The following STK33 variants were observed in gnomAD, a reference collection of about 807,000 sequenced individuals.
STK33 encodes the protein serine/threonine-protein kinase 33.
A neutral mutation model predicts 58.0 loss-of-function variants in STK33; 52 were observed. That is an observed-to-expected ratio of 0.90 (90% CI 0.72 to 1.13). STK33 has a LOEUF of 1.13. STK33 is among the 50% of genes most tolerant of loss of function. The pLI is 0.00. For missense variants in STK33, 630 were observed against 604.2 expected, an observed-to-expected ratio of 1.04 and a Z score of -0.45; for synonymous variants, 215 against 200.1, an observed-to-expected ratio of 1.07 and a Z score of -0.63.
chr11:8,586,104 C>CTCCTGTG (rs2031550974), intron 1 of STK33, among the ~76,000 whole-genome samples: 3 of 151,690 alleles, frequency 2.0e-5, no homozygotes, highest in African/African-American at 7.3e-5. Context: ...GTGCTCCCAG[C>CTCCTGTG]TACTCAGGAG....
chr11:8,396,217 C>T (rs1398418961), intron 15 of STK33, among the ~76,000 whole-genome samples: 1 of 152,196 alleles, frequency 6.6e-6, no homozygotes, highest in Non-Finnish European at 1.5e-5. Context: ...GATTCTCCTA[C>T]CTCAGCCTCC....
At chr11:8,399,167 C>T (rs1590741934) in intron 15 of STK33, among the ~76,000 whole-genome samples, 3 of 152,184 alleles carry the variant, frequency 2.0e-5, no homozygotes, top group East Asian at 3.8e-4. Flanking sequence ...ACTATACATT[C>T]TTTTCAGCAC....
At chr11:8,377,182 T>C in the STK33 span, among the ~76,000 whole-genome samples, 1 of 152,200 alleles carries the variant, frequency 6.6e-6, no homozygotes, top group African/African-American at 2.4e-5. Flanking sequence ...GATGTTCTCA[T>C]TAATCGAGAG....
the STK33 span, among the ~76,000 whole-genome samples, chr11:8,343,285 G>T: frequency 6.6e-6 from 1 of 152,236 alleles, no homozygotes; most frequent in African/African-American, 2.4e-5. Flanking sequence ...CATACACCTT[G>T]AAACCTGTCA....
chr11:8,337,247 CTT>C, the STK33 span, among the ~76,000 whole-genome samples: 2 of 152,228 alleles, frequency 1.3e-5, no homozygotes, highest in African/African-American at 4.8e-5. Context: ...GGGGAAAAGT[CTT>C]ATTAAGTCGC....
chr11:8,460,263 T>C (rs1947351927), intron 8 of STK33, among the ~76,000 whole-genome samples: 1 of 151,806 alleles, frequency 6.6e-6, no homozygotes, highest in African/African-American at 2.4e-5. Context: ...AACAATAAAT[T>C]GAAACTGATC....
At chr11:8,505,528 T>G (rs974965391) in intron 1 of STK33, among the ~76,000 whole-genome samples, 1 of 152,162 alleles carries the variant, frequency 6.6e-6, no homozygotes, top group African/African-American at 2.4e-5. Context: ...TTTGTCACTC[T>G]TAAACACCAC....
intron 1 of STK33, among the ~76,000 whole-genome samples, chr11:8,590,108 T>G (rs935585127): frequency 1.3e-5 from 2 of 152,194 alleles, no homozygotes; most frequent in African/African-American, 2.4e-5. Flanking sequence ...CATTCCACCA[T>G]GATAATGACA....
At chr11:8,356,159 T>C in the STK33 span, among the ~76,000 whole-genome samples, 1 of 152,078 alleles carries the variant, frequency 6.6e-6, no homozygotes, top group Non-Finnish European at 1.5e-5. Context: ...TTGCTGAAAA[T>C]TGAGTGGGAC....
intron 15 of STK33, among the ~76,000 whole-genome samples, chr11:8,408,543 G>T (rs1215742496): frequency 6.6e-6 from 1 of 152,128 alleles, no homozygotes; most frequent in Non-Finnish European, 1.5e-5. Context: ...CCAGCAACTC[G>T]CATTGCAAGC....
the STK33 span, among the ~76,000 whole-genome samples, chr11:8,337,652 GGGGC>G: frequency 6.9e-6 from 1 of 144,732 alleles, no homozygotes; most frequent in African/African-American, 2.5e-5. Flanking sequence ...GGGCGGGGGG[GGGGC>G]CCTGCCCTCA....
intron 11 of STK33, among the ~76,000 whole-genome samples, chr11:8,450,799 C>A (rs1345994015): frequency 6.6e-6 from 1 of 151,988 alleles, no homozygotes; most frequent in Non-Finnish European, 1.5e-5. Context: ...TTTAAATGTG[C>A]AAGGATGGTT....
At chr11:8,384,409 T>C in the STK33 span, among the ~76,000 whole-genome samples, 1 of 152,160 alleles carries the variant, frequency 6.6e-6, no homozygotes, top group Non-Finnish European at 1.5e-5. Flanking sequence ...CTCCCTTTCT[T>C]TGGAGGAGTT....
intron 12 of STK33, among the ~76,000 whole-genome samples, chr11:8,439,967 G>A (rs1275613748): frequency 1.4e-5 from 2 of 147,970 alleles, no homozygotes; most frequent in Non-Finnish European, 3.0e-5. Context: ...GGACACCCCT[G>A]GCAGCAACGT....
At chr11:8,449,486 A>C (rs745387948) in intron 11 of STK33, among the ~76,000 whole-genome samples, 2 of 151,544 alleles carry the variant, frequency 1.3e-5, no homozygotes, top group Non-Finnish European at 2.9e-5. Context: ...CTTTGTAGGG[A>C]CATGGATGAA....
At chr11:8,347,443 GT>G in the STK33 span, among the ~76,000 whole-genome samples, 1 of 152,192 alleles carries the variant, frequency 6.6e-6, no homozygotes, top group Non-Finnish European at 1.5e-5. Context: ...GGCAACAAAG[GT>G]TTATTTCTTG....
chr11:8,528,735 A>T (rs1296679345), intron 1 of STK33, among the ~76,000 whole-genome samples: 3 of 152,208 alleles, frequency 2.0e-5, no homozygotes, highest in Non-Finnish European at 4.4e-5. Context: ...TCATGTGCAC[A>T]CGCTTTTCAC....
chr11:8,356,181 G>A, the STK33 span, among the ~76,000 whole-genome samples: 1 of 152,218 alleles, frequency 6.6e-6, no homozygotes, highest in African/African-American at 2.4e-5. Context: ...TACAGGAGGT[G>A]TGCAGGAATC....
At chr11:8,593,379 C>CG (rs370549786) in intron 1 of STK33, among the ~76,000 whole-genome samples, 1 of 152,096 alleles carries the variant, frequency 6.6e-6, no homozygotes, top group African/African-American at 2.4e-5. Context: ...TGATATGGGA[C>CG]GGGGAGCACC....
Sources: allele counts gnomAD v4.1 joint callset (sites outside exome capture counted in the v4.1 genomes callset), GRCh38; gene constraint gnomAD v4.1.1; transcripts MANE v1.5; gene names NCBI Gene and HGNC (gene_info 2026-07-23, HGNC 2026-07-21).